The following INSR variants were observed in gnomAD, a reference collection of about 807,000 sequenced individuals.
INSR encodes the protein insulin receptor.
INSR carries 67 observed loss-of-function variants against 142.6 expected under a neutral mutation model. The observed-to-expected ratio is 0.47, with a 90% CI of 0.39 to 0.58. The LOEUF (loss-of-function observed/expected upper bound fraction) is 0.58, where lower values mean the gene tolerates loss of function less well. Ranked by LOEUF, INSR falls within the 20% of genes least tolerant of loss-of-function variation. INSR has a pLI of 0.00. For missense variants in INSR, 1,248 were observed against 1,833.2 expected, an observed-to-expected ratio of 0.68 and a Z score of 5.83; for synonymous variants, 756 against 743.1, an observed-to-expected ratio of 1.02 and a Z score of -0.28.
chr19:7,133,118 C>T (rs913781660), intron 13 of INSR, among the ~76,000 whole-genome samples: 4 of 151,808 alleles, frequency 2.6e-5, no homozygotes, highest in South Asian at 2.1e-4. Context: ...AACAATTAGC[C>T]GGGCACGATG....
intron 1 of INSR, among the ~76,000 whole-genome samples, chr19:7,281,307 T>A (rs11085224): frequency 0.46 from 69,144 of 151,376 alleles, 16,431 homozygotes; most frequent in East Asian, 0.64. Context: ...ACAAGATACA[T>A]CCTTGAGAGT....
At chr19:7,233,668 C>CTTTTTTTTTTTTTTTTTTTT (rs35763064) in intron 2 of INSR, among the ~76,000 whole-genome samples, 1 of 72,408 alleles carries the variant, frequency 1.4e-5, no homozygotes, top group Non-Finnish European at 2.4e-5. Context: ...CTTTTTCTGT[C>CTTTTTTTTTTTTTTTTTTTT]TTTTTTTTTT....
At chr19:7,177,452 T>A (rs1974159360) in intron 3 of INSR, among the ~76,000 whole-genome samples, 1 of 152,150 alleles carries the variant, frequency 6.6e-6, no homozygotes. Flanking sequence ...CTGAACCAAC[T>A]CCCTGAACTT....
Position 7,150,899 on chromosome 19 carries a change from C to T in INSR, c.2232-367G>A, listed in dbSNP as rs965658422. Among the ~76,000 whole-genome samples, 1 of 151,836 alleles carries T rather than the reference C, an allele frequency of 6.6e-6. No homozygotes were observed. Among genetic ancestry groups the T allele is most frequent in the African/African-American group, 2.4e-5 (1 of 41,418 alleles). On this transcript the variant is annotated intron_variant, in intron 10 of 21. Coordinates refer to ENST00000302850, the MANE Select transcript of INSR (RefSeq NM_000208.4). This position sits in a 1 kb window ranked among gnomAD's most constrained non-coding sequence, Gnocchi z 4.2. The stretch of plus-strand genomic sequence containing the variant: ...TTCTCTCTCTCTTTCTGGTTTCTTT[C>T]CTCTTTCTCCTTTTCTTTTCTCTTT...
At chr19:7,219,486 A>T (rs1186302036) in intron 2 of INSR, among the ~76,000 whole-genome samples, 9 of 110,182 alleles carry the variant, frequency 8.2e-5, no homozygotes, top group African/African-American at 3.2e-4. Context: ...GGAGGGAGGG[A>T]AGGAAGGAAG....
intron 2 of INSR, among the ~76,000 whole-genome samples, chr19:7,252,641 T>C (rs1002680291): frequency 6.6e-6 from 1 of 152,144 alleles, no homozygotes; most frequent in African/African-American, 2.4e-5. Flanking sequence ...TTAAAGCCCA[T>C]CCTTATCAGA....
intron 2 of INSR, among the ~76,000 whole-genome samples, chr19:7,264,478 T>A (rs1234247700): frequency 6.6e-6 from 1 of 151,724 alleles, no homozygotes; most frequent in Non-Finnish European, 1.5e-5. Context: ...TTAAATTATA[T>A]CTCAAGATAG....
rs138738507 is a variant in INSR, at chr19:7,242,927, C to A, written c.652+24418G>T. Among the ~76,000 whole-genome samples the A allele has an allele frequency of 1.1e-3, 174 of 152,078 alleles. 1 individual carries two copies. Among genetic ancestry groups the A allele is most frequent in the African/African-American group, 4.0e-3 (167 of 41,480 alleles). The stretch of plus-strand genomic sequence containing the variant: ...GTACCCTGTTTTCAGTGTTGGGCTA[C>A]TGCTAAAGCAGAGAAAAATGAGGTT... On this transcript the variant is annotated intron_variant, in intron 2 of 21. Coordinates refer to ENST00000302850, the MANE Select transcript of INSR (RefSeq NM_000208.4).
At chr19:7,173,695 T>C (rs935979271) in intron 4 of INSR, among the ~76,000 whole-genome samples, 2 of 136,584 alleles carry the variant, frequency 1.5e-5, no homozygotes, top group Admixed American at 1.6e-4. Context: ...TCCCAGCTCA[T>C]TGCAACCTCC....
chr19:7,183,542 A>C (rs1186467242), intron 3 of INSR, among the ~76,000 whole-genome samples: 1 of 152,078 alleles, frequency 6.6e-6, no homozygotes, highest in Non-Finnish European at 1.5e-5. Flanking sequence ...TGCAGAAGCG[A>C]GTCTCTTCCT....
At chr19:7,289,868 T>G (rs1426691099) in intron 1 of INSR, among the ~76,000 whole-genome samples, 2 of 152,068 alleles carry the variant, frequency 1.3e-5, no homozygotes, top group East Asian at 3.9e-4. Flanking sequence ...ACCACATGGG[T>G]GGAGACCATG....
In INSR at chr19:7,184,393, C is replaced by G; in HGVS notation, c.897G>C (p.Gln299His). The change falls in exon 3 of 22, where the codon CAG becomes CAC. Residue 299 changes from glutamine to histidine, a missense_variant. By Grantham distance (24) the Gln-to-His change is conservative. This residue lies in a region of INSR where 1,069 missense variants were observed against 1,654.0 expected (regional missense o/e 0.65). Coordinates refer to ENST00000302850, the MANE Select transcript of INSR (RefSeq NM_000208.4). ...TGTGAATGACGTACTGGTGGCAGCC[C>G]TGCCTCCGCGAGTTCTTGCATTTGT... ...LHHKCKNSRR[Q>H]GCHQYVIHNN... 1 of 1,614,108 alleles carries G rather than the reference C, an allele frequency of 6.2e-7. No homozygotes were observed.
chr19:7,217,391 AG>A (rs1975467207), intron 2 of INSR, among the ~76,000 whole-genome samples: 1 of 152,118 alleles, frequency 6.6e-6, no homozygotes, highest in African/African-American at 2.4e-5. Flanking sequence ...ACATCTGCAA[AG>A]AGCCTTGTGC....
At position 7,150,432 on chromosome 19, in the gene INSR, A is replaced by T. The variant is rs1973307544; in HGVS notation, c.2267+65T>A. On this transcript the variant is annotated intron_variant, in intron 11 of 21. Transcript: ENST00000302850. This position sits in a 1 kb window ranked among gnomAD's most constrained non-coding sequence, Gnocchi z 4.2. The stretch of plus-strand genomic sequence containing the variant: ...CAGAAACCCCTGGGTTCTCCGAGGC[A>T]TCTGCCTGGCACGCCGCCGGCCCTG... 2.0e-6 allele frequency: 3 copies of T among 1,505,566 alleles called. No homozygotes were observed. The highest frequency in any genetic ancestry group is 2.8e-6 in the Non-Finnish European group (3 of 1,083,510). The allele number at this position is 1,505,566 out of a possible 1,614,324, so 93.3% of individuals were successfully genotyped here. A position where few individuals can be genotyped will look rare whatever the true frequency, so the allele number is the denominator to read the frequency against.
Position 7,292,410 on chromosome 19 carries a change from C to G in INSR, c.100+1382G>C, listed in dbSNP as rs566448771. Among the ~76,000 whole-genome samples, 7 of 146,196 alleles carry G rather than the reference C, an allele frequency of 4.8e-5. No individual in the cohort carries two copies. In the South Asian group the frequency reaches 1.5e-3, roughly 32 times the overall value. On this transcript the variant is annotated intron_variant, in intron 1 of 21. Transcript: ENST00000302850. ...TGGCCAGATTTTCTTAACAAGAACTCCAACTAACCGCCACCCTTCATTGAG... is the reference window on the plus strand; with the variant it reads ...TGGCCAGATTTTCTTAACAAGAACTGCAACTAACCGCCACCCTTCATTGAG...
At position 7,174,629 on chromosome 19, in the gene INSR, T is replaced by C; in HGVS notation, c.1077A>G (p.Gly359=). Residue 359 remains glycine (G), a synonymous_variant, in exon 4 of 22, where the codon GGA becomes GGG. Transcript: ENST00000302850. The part of the protein sequence containing the change: ...DSVTSAQELR[G]CTVINGSLII... ...TCAGACTCCCGTTGATGACGGTGCA[T>C]CCTCGGAGCTCCTGGGCAGACGTCA... The C allele has an allele frequency of 6.2e-7, 1 of 1,613,946 alleles. No individual in the cohort carries two copies. Among genetic ancestry groups the C allele is most frequent in the Non-Finnish European group, 8.5e-7 (1 of 1,179,978 alleles).
intron 3 of INSR, among the ~76,000 whole-genome samples, chr19:7,180,355 C>A (rs1457467669): frequency 6.6e-6 from 1 of 151,818 alleles, no homozygotes; most frequent in South Asian, 2.1e-4. Flanking sequence ...TATAGCAAGA[C>A]CCCCAACACT....
At chr19:7,148,690 C>T (rs1302296566) in intron 11 of INSR, among the ~76,000 whole-genome samples, 1 of 149,040 alleles carries the variant, frequency 6.7e-6, no homozygotes, top group Admixed American at 6.7e-5. Flanking sequence ...CTTGGTCAGG[C>T]TGGTCTCGAA....
intron 11 of INSR, among the ~76,000 whole-genome samples, chr19:7,143,357 G>C (rs560389325): frequency 6.6e-6 from 1 of 152,140 alleles, no homozygotes; most frequent in Non-Finnish European, 1.5e-5. Context: ...GACACACACC[G>C]ATATTCCCCT....
Sources: gnomAD v4.1 joint callset for allele counts (sites outside exome capture counted in the v4.1 genomes callset) on GRCh38, gnomAD v4.1.1 for gene constraint, gnomAD v4.1.1 regional missense constraint, Gnocchi (gnomAD v3.1) non-coding constraint, MANE v1.5 for transcripts, NCBI Gene and HGNC (gene_info 2026-07-23, HGNC 2026-07-21) for gene names.